The following TMEM266 variants were observed in gnomAD, a reference collection of about 807,000 sequenced individuals.
TMEM266 encodes the protein transmembrane protein 266, also known as Hv1 related protein 1.
A neutral mutation model predicts 50.5 loss-of-function variants in TMEM266; 33 were observed. The observed-to-expected ratio is 0.65, with a 90% CI of 0.50 to 0.87. TMEM266 has a LOEUF of 0.87. TMEM266 is among the 40% of genes least tolerant of loss of function. The pLI is 0.00. For synonymous variants in TMEM266, 310 were observed against 292.3 expected (o/e 1.06, Z -0.62); for missense variants, 655 against 695.1 (o/e 0.94, Z 0.65).
intron 1 of TMEM266, among the ~76,000 whole-genome samples, chr15:76,107,573 A>C (rs1018814927): frequency 1.3e-5 from 2 of 152,210 alleles, no homozygotes; most frequent in African/African-American, 4.8e-5. Flanking sequence ...ATTTGAACCC[A>C]ACTCTGAGTC....
intron 5 of TMEM266, among the ~76,000 whole-genome samples, chr15:76,164,223 C>A (rs917081665): frequency 6.6e-6 from 1 of 151,978 alleles, no homozygotes; most frequent in Non-Finnish European, 1.5e-5. Flanking sequence ...TTTTTCTTTT[C>A]GAGACAGGGT....
intron 1 of TMEM266, among the ~76,000 whole-genome samples, chr15:76,099,970 G>A (rs1012287969): frequency 1.1e-4 from 16 of 152,098 alleles, no homozygotes; most frequent in African/African-American, 1.7e-4. Context: ...AATTTAAACC[G>A]TTAGATCTCA....
intron 1 of TMEM266, among the ~76,000 whole-genome samples, chr15:76,129,959 C>T (rs2037481058): frequency 6.6e-6 from 1 of 151,914 alleles, no homozygotes. Context: ...CATGGTGGCT[C>T]ACTCCCGTGA....
chr15:76,166,371 C>G (rs2038097224), intron 5 of TMEM266, among the ~76,000 whole-genome samples: 1 of 152,190 alleles, frequency 6.6e-6, no homozygotes, highest in African/African-American at 2.4e-5. Flanking sequence ...CCACAGCGGC[C>G]TCTTGCTATT....
At chr15:76,163,389 G>A (rs558360471) in intron 5 of TMEM266, among the ~76,000 whole-genome samples, 2 of 152,300 alleles carry the variant, frequency 1.3e-5, no homozygotes, top group East Asian at 3.9e-4. Context: ...GTGAGAGTGG[G>A]TGCCCCTCAT....
intron 1 of TMEM266, among the ~76,000 whole-genome samples, chr15:76,082,371 G>A (rs1353804475): frequency 6.6e-6 from 1 of 152,144 alleles, no homozygotes; most frequent in Non-Finnish European, 1.5e-5. Context: ...TTCAGTAAAG[G>A]TTTTCATTCA....
chr15:76,130,317 C>T (rs1018591139), intron 1 of TMEM266, among the ~76,000 whole-genome samples: 4 of 145,932 alleles, frequency 2.7e-5, no homozygotes, highest in African/African-American at 1.0e-4. Flanking sequence ...GCGGTTGGCT[C>T]ACTTGAGGTT....
In TMEM266 at chr15:76,168,454, C is replaced by CG. The variant is rs2038131668; in HGVS notation, c.457-1362_457-1361insG. 2.0e-5 allele frequency among the ~76,000 whole-genome samples: 3 copies of CG among 152,340 alleles called. No individual in the cohort carries two copies. The highest frequency in any genetic ancestry group is 2.0e-4 in the Admixed American group (3 of 15,310). ...CAGAAGGCTAGGCTTGTACTACAGG[C>CG]ATGCGGGAGAGGGGCACCATCTGGT... On this transcript the variant is annotated intron_variant, in intron 5 of 10. Transcript: ENST00000388942. This position sits in a 1 kb window ranked among gnomAD's most constrained non-coding sequence, Gnocchi z 4.4.
At chr15:76,078,521 A>G (rs899561492) in intron 1 of TMEM266, among the ~76,000 whole-genome samples, 9 of 152,214 alleles carry the variant, frequency 5.9e-5, no homozygotes, top group African/African-American at 2.2e-4. Flanking sequence ...AGCTAAAGCC[A>G]CACAATGAAA....
At chr15:76,113,576 C>G (rs1020932465) in intron 1 of TMEM266, 1 of 152,256 alleles carries the variant, frequency 6.6e-6, no homozygotes, top group Non-Finnish European at 1.5e-5. Flanking sequence ...AAGCAGATCA[C>G]ACTGCGCTTC....
chr15:76,149,003 C>T (rs530021713), intron 3 of TMEM266, among the ~76,000 whole-genome samples: 9 of 152,062 alleles, frequency 5.9e-5, no homozygotes, highest in African/African-American at 2.2e-4. Context: ...GTTCTGGTTT[C>T]GTGGTGTGTG....
At position 76,158,143 on chromosome 15, in the gene TMEM266, G is replaced by A. The variant is rs188185544; in HGVS notation, c.382+1385G>A. ...ACGTCTTGGCCTTCCATTCTCAAATGCCCCCAATTCCTTTATGGGATCCTG... is the reference window on the plus strand; with the variant it reads ...ACGTCTTGGCCTTCCATTCTCAAATACCCCCAATTCCTTTATGGGATCCTG... On this transcript the variant is annotated intron_variant, in intron 4 of 10. Transcript: ENST00000388942. Among the ~76,000 whole-genome samples, 21 of 152,216 alleles carry A rather than the reference G, an allele frequency of 1.4e-4. No individual in the cohort carries two copies. In the East Asian group the frequency reaches 4.0e-3, roughly 29 times the overall value.
chr15:76,151,106 C>T (rs1020289006), intron 3 of TMEM266, among the ~76,000 whole-genome samples: 1 of 152,184 alleles, frequency 6.6e-6, no homozygotes, highest in African/African-American at 2.4e-5. Context: ...AGCACCAAGA[C>T]AGGACATTGG....
At chr15:76,068,298 G>A (rs537080522) in intron 1 of TMEM266, among the ~76,000 whole-genome samples, 1 of 152,344 alleles carries the variant, frequency 6.6e-6, no homozygotes, top group African/African-American at 2.4e-5. Context: ...TTACACAGAT[G>A]ATCTCCAAAA....
chr15:76,104,938 G>A (rs555156115), intron 1 of TMEM266, among the ~76,000 whole-genome samples: 11 of 151,706 alleles, frequency 7.3e-5, no homozygotes, highest in African/African-American at 2.7e-4. Context: ...TGAAAGTTTC[G>A]GCCAGGCACG....
chr15:76,185,347 A>G (rs889511105), intron 8 of TMEM266, among the ~76,000 whole-genome samples: 1 of 151,828 alleles, frequency 6.6e-6, no homozygotes, highest in African/African-American at 2.4e-5. Context: ...TAATGGCTGT[A>G]AGTTTTGATG....
chr15:76,088,060 C>T (rs913392042), intron 1 of TMEM266, among the ~76,000 whole-genome samples: 2 of 152,196 alleles, frequency 1.3e-5, no homozygotes, highest in African/African-American at 4.8e-5. Context: ...TTGTTACCCT[C>T]AAAGCACCCT....
At position 76,076,039 on chromosome 15, in the gene TMEM266, G is replaced by A. The variant is rs114757592; in HGVS notation, c.-97+16023G>A. Among the ~76,000 whole-genome samples the A allele has an allele frequency of 8.8e-3, 1,327 of 150,836 alleles. 21 individuals carry two copies. The highest frequency in any genetic ancestry group is 0.031 in the African/African-American group (1,253 of 40,886). Reference sequence around the variant, plus strand: ...GCCTGGCTAATTTTTTAATTTTTCTGTAGAAACAGGGTTTCACTTTGTTGC... The same window carrying A: ...GCCTGGCTAATTTTTTAATTTTTCTATAGAAACAGGGTTTCACTTTGTTGC... On this transcript the variant is annotated intron_variant, in intron 1 of 10. Coordinates refer to ENST00000388942, the MANE Select transcript of TMEM266 (RefSeq NM_152335.3).
intron 1 of TMEM266, among the ~76,000 whole-genome samples, chr15:76,094,465 A>C (rs1211975398): frequency 6.6e-6 from 1 of 152,032 alleles, no homozygotes; most frequent in Non-Finnish European, 1.5e-5. Context: ...GTTCTGTCAC[A>C]TTGGTCTATG....
Sources: gnomAD v4.1 joint callset for allele counts (sites outside exome capture counted in the v4.1 genomes callset) on GRCh38, gnomAD v4.1.1 for gene constraint, Gnocchi (gnomAD v3.1) non-coding constraint, MANE v1.5 for transcripts, NCBI Gene and HGNC (gene_info 2026-07-23, HGNC 2026-07-21) for gene names.